STX8: variants seen among roughly 807,000 people sequenced by gnomAD.
The protein encoded by STX8 is syntaxin-8.
In STX8, 23 loss-of-function variants were observed where a neutral mutation model predicts 37.5. The ratio of observed to expected loss-of-function variants is 0.61; its 90% CI spans 0.44 to 0.87. The LOEUF is 0.87. Among genes scored for constraint, STX8 ranks in the 40% least tolerant of loss-of-function variants. STX8 has a pLI of 0.00. For synonymous variants in STX8, 115 were observed against 99.1 expected, an observed-to-expected ratio of 1.16 and a Z score of -0.95; for missense variants, 313 against 284.7, an observed-to-expected ratio of 1.10 and a Z score of -0.71.
At chr17:9,382,632 C>A (rs773378847) in intron 6 of STX8, among the ~76,000 whole-genome samples, 1 of 152,054 alleles carries the variant, frequency 6.6e-6, no homozygotes, top group Non-Finnish European at 1.5e-5. Context: ...CTATGAAACT[C>A]ACTATAAAGC....
At chr17:9,430,806 T>A (rs9905338) in intron 6 of STX8, among the ~76,000 whole-genome samples, 1 of 151,940 alleles carries the variant, frequency 6.6e-6, no homozygotes, top group South Asian at 2.1e-4. Flanking sequence ...ACCGCCACCA[T>A]GCCTGGCTAA....
chr17:9,522,852 C>T (rs919423455), intron 4 of STX8, among the ~76,000 whole-genome samples: 6 of 152,010 alleles, frequency 3.9e-5, no homozygotes, highest in Non-Finnish European at 8.8e-5. Context: ...TTCTGGTGTT[C>T]TGTGGCATAC....
chr17:9,457,852 T>C (rs1283511036), intron 6 of STX8, among the ~76,000 whole-genome samples: 1 of 152,232 alleles, frequency 6.6e-6, no homozygotes, highest in Non-Finnish European at 1.5e-5. Context: ...TTTAATTGGC[T>C]GAAACGGGTT....
chr17:9,491,848 A>G lies in STX8; in HGVS notation c.522T>C (p.Asn174=). 6.2e-7 allele frequency: 1 copy of G among 1,614,016 alleles called. No homozygotes were observed. Residue 174 remains asparagine, a synonymous_variant, in exon 6 of 8, where the codon AAT becomes AAC. Transcript: ENST00000306357. ...TCTTACCATTTTGTTCATCCAATTC[A>G]TTCCCAATTTCCTGCCCCATTTGTT... ...RQKQMGQEIG[N]ELDEQNEIID... is the part of the protein sequence containing the mutation.
At chr17:9,333,590 T>C (rs57670277) in intron 7 of STX8, among the ~76,000 whole-genome samples, 5,527 of 152,140 alleles carry the variant, frequency 0.036, 261 homozygotes, top group African/African-American at 0.12. Context: ...GGGGTTTCAC[T>C]GTGTTAGCCA....
In STX8 at chr17:9,505,530, C is replaced by T. The variant is rs79304171; in HGVS notation, c.324-368G>A. Reference sequence around the variant, plus strand: ...GCCTTTTTATTAGGACAAAGTTTGTCTCAGAGGCTACGTGACCCCAAAGGT... The same window carrying T: ...GCCTTTTTATTAGGACAAAGTTTGTTTCAGAGGCTACGTGACCCCAAAGGT... On this transcript the variant is annotated intron_variant, in intron 4 of 7. Coordinates refer to ENST00000306357, the MANE Select transcript of STX8 (RefSeq NM_004853.3). Among the ~76,000 whole-genome samples the T allele has an allele frequency of 2.3e-3, 354 of 152,270 alleles. 3 individuals are homozygous for T. Among genetic ancestry groups the T allele is most frequent in the African/African-American group, 8.0e-3 (332 of 41,562 alleles).
At chr17:9,257,279 G>A (rs922433864) in intron 7 of STX8, among the ~76,000 whole-genome samples, 3 of 152,196 alleles carry the variant, frequency 2.0e-5, no homozygotes, top group South Asian at 2.1e-4. Flanking sequence ...TTTTCAAACT[G>A]GGAGAGGATA....
chr17:9,572,692 G>A (rs1001069572), intron 1 of STX8, among the ~76,000 whole-genome samples: 4 of 147,824 alleles, frequency 2.7e-5, no homozygotes, highest in Non-Finnish European at 6.0e-5. Flanking sequence ...ACAGGTGTGA[G>A]CCACCACACC....
intron 6 of STX8, among the ~76,000 whole-genome samples, chr17:9,401,749 T>C (rs1023028713): frequency 6.6e-6 from 1 of 152,222 alleles, no homozygotes; most frequent in East Asian, 1.9e-4. Context: ...TGGGTAAGAC[T>C]GAGATGCTGA....
chr17:9,318,509 C>T (rs1372893679), intron 7 of STX8, among the ~76,000 whole-genome samples: 1 of 152,120 alleles, frequency 6.6e-6, no homozygotes, highest in Non-Finnish European at 1.5e-5. Context: ...CACACCCTAA[C>T]CATGTTTTGA....
chr17:9,415,514 G>C (rs538293725), intron 6 of STX8, among the ~76,000 whole-genome samples: 1 of 151,954 alleles, frequency 6.6e-6, no homozygotes, highest in Admixed American at 6.6e-5. Context: ...GCTCACTCCT[G>C]TAATCCCAGC....
At chr17:9,327,198 A>AAGGAAGAAGG (rs1200907018) in intron 7 of STX8, among the ~76,000 whole-genome samples, 4,180 of 147,098 alleles carry the variant, frequency 0.028, 200 homozygotes, top group African/African-American at 0.097. Context: ...AAGAAGGAAG[A>AAGGAAGAAGG]AGGAAGAAGG....
intron 6 of STX8, among the ~76,000 whole-genome samples, chr17:9,414,651 C>G (rs1034080693): frequency 2.0e-5 from 3 of 152,136 alleles, no homozygotes; most frequent in African/African-American, 7.2e-5. Context: ...TGAGACCGCT[C>G]TACCCAGGGT....
chr17:9,523,718 C>T (rs1042305890), intron 4 of STX8, among the ~76,000 whole-genome samples: 2 of 152,118 alleles, frequency 1.3e-5, no homozygotes, highest in African/African-American at 4.8e-5. Flanking sequence ...AGGTAAAATG[C>T]AATAAAATAT....
intron 6 of STX8, among the ~76,000 whole-genome samples, chr17:9,418,638 C>G (rs988603534): frequency 2.6e-5 from 4 of 151,336 alleles, no homozygotes; most frequent in Non-Finnish European, 5.9e-5. Context: ...ACCATCCTGG[C>G]TAACACGTGA....
rs368180289 is a variant in STX8 at position 9,304,250 on chromosome 17, C to T, written c.644-53605G>A. Among the ~76,000 whole-genome samples, 11 of 152,168 alleles carry T rather than the reference C, an allele frequency of 7.2e-5. No homozygotes were observed. The South Asian group carries it at 8.3e-4, about 11-fold the overall frequency. On this transcript the variant is annotated intron_variant, in intron 7 of 7. Coordinates refer to ENST00000306357, the MANE Select transcript of STX8 (RefSeq NM_004853.3). ...AGTAGCCGGGTGCTGTGGCTCACGCCTGTAATCCCAGCACTTTGGGAGGCC... is the reference window on the plus strand; with the variant it reads ...AGTAGCCGGGTGCTGTGGCTCACGCTTGTAATCCCAGCACTTTGGGAGGCC...
chr17:9,518,309 C>T (rs11867443), intron 4 of STX8, among the ~76,000 whole-genome samples: 5,268 of 143,344 alleles, frequency 0.037, 351 homozygotes, highest in African/African-American at 0.15. Flanking sequence ...CAGACCCCTC[C>T]TCCAGGCCTT....
At chr17:9,284,106 T>C (rs1254741603) in intron 7 of STX8, among the ~76,000 whole-genome samples, 2 of 152,234 alleles carry the variant, frequency 1.3e-5, no homozygotes, top group Non-Finnish European at 2.9e-5. Context: ...AGGACACTCA[T>C]ACCTCAGTTA....
chr17:9,466,778 C>CA (rs1235025088), intron 6 of STX8, among the ~76,000 whole-genome samples: 1 of 152,150 alleles, frequency 6.6e-6, no homozygotes, highest in Non-Finnish European at 1.5e-5. Flanking sequence ...TGGGGAATCT[C>CA]AATTCAACCA....
Sources: gnomAD v4.1 joint callset for allele counts (sites outside exome capture counted in the v4.1 genomes callset) on GRCh38, gnomAD v4.1.1 for gene constraint, MANE v1.5 for transcripts, NCBI Gene and HGNC (gene_info 2026-07-23, HGNC 2026-07-21) for gene names.